Variants in PCDHGA4 observed in about 807,000 individuals in gnomAD.
The protein encoded by PCDHGA4 is protocadherin gamma-A4.
In PCDHGA4, 38 loss-of-function variants were observed where a neutral mutation model predicts 54.6. The observed-to-expected ratio is 0.70, with a 90% confidence interval of 0.54 to 0.91. The LOEUF (loss-of-function observed/expected upper bound fraction) is 0.91. Ranked by LOEUF, PCDHGA4 falls within the 40% of genes least tolerant of loss-of-function variation. The probability of loss-of-function intolerance (pLI) is 0.00; values close to 1 mark genes in which losing one functional copy is unlikely to be tolerated. For synonymous variants in PCDHGA4, 511 were observed against 512.9 expected, an observed-to-expected ratio of 1.00 and a Z score of 0.05; for missense variants, 1,298 against 1,220.9, an observed-to-expected ratio of 1.06 and a Z score of -0.94.
At chr5:141,419,588 A>T in intron 1 of PCDHGA4, 1 of 1,611,830 alleles carries the variant, frequency 6.2e-7, no homozygotes, top group East Asian at 2.2e-5. Flanking sequence ...GCTCTTCGAC[A>T]CAGTGCCGCG....
chr5:141,382,013 G>A (rs1000379234), intron 1 of PCDHGA4, among the ~76,000 whole-genome samples: 1 of 151,580 alleles, frequency 6.6e-6, no homozygotes, highest in Non-Finnish European at 1.5e-5. Context: ...ATTTTTAGTA[G>A]AGACGGGGTT....
chr5:141,492,719 C>A (rs1367632029), intron 1 of PCDHGA4, among the ~76,000 whole-genome samples: 1 of 152,280 alleles, frequency 6.6e-6, no homozygotes, highest in Non-Finnish European at 1.5e-5. Context: ...AGCAGGCGGA[C>A]AGGCAGAGCT....
chr5:141,428,304 G>C, intron 1 of PCDHGA4: 1 of 695,706 alleles, frequency 1.4e-6, no homozygotes, highest in South Asian at 1.6e-5. Flanking sequence ...AGATTTACCT[G>C]GTCGTGGCCT....
At chr5:141,398,415 C>T (rs2093654537) in intron 1 of PCDHGA4, 2 of 1,487,146 alleles carry the variant, frequency 1.3e-6, no homozygotes, top group Non-Finnish European at 1.9e-6. Context: ...AGGAGATATG[C>T]GGGAAGAAGC....
At chr5:141,418,349 A>G in intron 1 of PCDHGA4, 1 of 1,614,016 alleles carries the variant, frequency 6.2e-7, no homozygotes, top group South Asian at 1.1e-5. Context: ...TGATATTAGT[A>G]TGAATTCGCT....
chr5:141,435,904 C>G (rs967350870), intron 1 of PCDHGA4, among the ~76,000 whole-genome samples: 2 of 152,068 alleles, frequency 1.3e-5, no homozygotes, highest in Admixed American at 6.5e-5. Context: ...TGAAAGACAT[C>G]CAAGGGCTCT....
At chr5:141,371,652 G>A (rs1158442459) in intron 1 of PCDHGA4, 1 of 1,614,048 alleles carries the variant, frequency 6.2e-7, no homozygotes, top group East Asian at 2.2e-5. Flanking sequence ...AGAATACAAT[G>A]TGACGATCAC....
intron 1 of PCDHGA4, chr5:141,410,397 G>A (rs1338071222): frequency 1.9e-6 from 3 of 1,613,930 alleles, no homozygotes; most frequent in South Asian, 1.1e-5. Context: ...CCTGGTCTCT[G>A]TGTCAAGTCT....
chr5:141,505,633 A>C, intron 3 of PCDHGA4, 152 bp downstream of exon 3: 3 of 1,471,286 alleles, frequency 2.0e-6, no homozygotes, highest in South Asian at 1.3e-5. Context: ...TCCAAACATA[A>C]AGCCTGGAAT....
chr5:141,500,870 A>C (rs2099803097), intron 2 of PCDHGA4, among the ~76,000 whole-genome samples: 1 of 139,794 alleles, frequency 7.2e-6, no homozygotes, highest in African/African-American at 2.8e-5. Context: ...ATACACATTC[A>C]TTTACAATTT....
At chr5:141,395,140 C>T in intron 1 of PCDHGA4, 1 of 1,614,212 alleles carries the variant, frequency 6.2e-7, no homozygotes, top group Non-Finnish European at 8.5e-7. Flanking sequence ...CCCAACTACG[C>T]AGACATGCTC....
chr5:141,362,427 G>C (rs1762495108), intron 1 of PCDHGA4: 3 of 1,614,030 alleles, frequency 1.9e-6, no homozygotes, highest in Non-Finnish European at 1.7e-6. Context: ...CCAAGACAGA[G>C]TTCAATTTTC....
intron 1 of PCDHGA4, among the ~76,000 whole-genome samples, chr5:141,473,698 T>A (rs2099327181): frequency 6.6e-6 from 1 of 152,166 alleles, no homozygotes; most frequent in Non-Finnish European, 1.5e-5. Context: ...CTGACCACCC[T>A]CCAAGTGGTG....
intron 1 of PCDHGA4, 67 bp downstream of exon 1, chr5:141,357,688 C>A (rs1173452937): frequency 6.4e-7 from 1 of 1,562,844 alleles, no homozygotes; most frequent in South Asian, 1.2e-5. Flanking sequence ...AAATGTCTCT[C>A]ATTTTATATG....
intron 1 of PCDHGA4, chr5:141,408,083 C>G (rs1045548793): frequency 3.5e-6 from 5 of 1,414,460 alleles, no homozygotes; most frequent in Non-Finnish European, 4.7e-6. Context: ...CCCAGCACAG[C>G]GGATTGCCAG....
At chr5:141,506,231 A>G (rs1453468632) in intron 3 of PCDHGA4, among the ~76,000 whole-genome samples, 4 of 152,082 alleles carry the variant, frequency 2.6e-5, no homozygotes, top group African/African-American at 4.8e-5. Context: ...CAGGAGGATC[A>G]TGAGGTCAGG....
chr5:141,477,031 A>G lies in PCDHGA4; in HGVS notation c.2515-17776A>G. 2 of 1,614,248 alleles carry G rather than the reference A, an allele frequency of 1.2e-6. No homozygotes were observed. The highest frequency in any genetic ancestry group is 2.2e-5 in the East Asian group (1 of 44,880). On this transcript the variant is annotated intron_variant, in intron 1 of 3. Transcript: ENST00000571252. This position sits in a 1 kb window ranked among gnomAD's most constrained non-coding sequence, Gnocchi z 4.9. ...TAGACCTTGTAACCGGGATGCTGAC[A>G]ATCAAGGGTCGGCTGGACTTCGAGG...
intron 1 of PCDHGA4, chr5:141,415,794 A>G: frequency 1.5e-6 from 2 of 1,366,408 alleles, no homozygotes; most frequent in Non-Finnish European, 1.9e-6. Context: ...AAATTCACCT[A>G]GTCTCAATCA....
intron 2 of PCDHGA4, among the ~76,000 whole-genome samples, chr5:141,500,008 C>T (rs1027220192): frequency 6.6e-6 from 1 of 151,770 alleles, no homozygotes; most frequent in African/African-American, 2.4e-5. Flanking sequence ...TTCATAAGGT[C>T]CACATTTTAT....
Sources: allele counts gnomAD v4.1 joint callset (sites outside exome capture counted in the v4.1 genomes callset), GRCh38; gene constraint gnomAD v4.1.1; non-coding constraint Gnocchi (gnomAD v3.1); transcripts MANE v1.5; gene names NCBI Gene and HGNC (gene_info 2026-07-23, HGNC 2026-07-21).